Variants in CWH43 observed in about 807,000 individuals in gnomAD.
The protein encoded by CWH43 is cell wall biogenesis 43 C-terminal homolog, also known as PGAP2-interacting protein.
A neutral mutation model predicts 85.7 loss-of-function variants in CWH43; 91 were observed. The ratio of observed to expected loss-of-function variants is 1.06; its 90% confidence interval spans 0.90 to 1.26. The LOEUF is 1.26. Ranked by LOEUF, CWH43 falls within the 50% of genes most tolerant of loss-of-function variation. The probability of loss-of-function intolerance (pLI) is 0.00; values close to 1 mark genes in which losing one functional copy is unlikely to be tolerated. For synonymous variants in CWH43, 323 were observed against 293.6 expected (o/e 1.10, Z -1.02); for missense variants, 869 against 839.2 (o/e 1.04, Z -0.44).
rs1477836371 is a variant in CWH43 at position 49,037,927 on chromosome 4, T to C, written c.1659-109T>C. 3.4e-5 allele frequency: 29 copies of C among 858,870 alleles called. No individual in the cohort carries two copies. In the Middle Eastern group the frequency reaches 9.8e-4, roughly 29 times the overall value. 53.2% of individuals were successfully genotyped at this position (858,870 alleles called of 1,614,324 possible). A position where few individuals can be genotyped will look rare whatever the true frequency, so the allele number is the denominator to read the frequency against. ...AGACAGTTGCCCGAGTAGGAATGAC[T>C]CTGGGCTTCTTCACTATATGCAGAT... On this transcript the variant is annotated intron_variant, in intron 12 of 15. Transcript: ENST00000226432.
intron 10 of CWH43, among the ~76,000 whole-genome samples, chr4:49,029,196 T>G (rs2109803160): frequency 6.6e-6 from 1 of 152,310 alleles, no homozygotes; most frequent in African/African-American, 2.4e-5. Context: ...AAGAAAATTG[T>G]TTTGCCTTGA....
At chr4:48,991,212 G>C (rs1450546377) in intron 2 of CWH43, among the ~76,000 whole-genome samples, 3 of 152,096 alleles carry the variant, frequency 2.0e-5, no homozygotes. Flanking sequence ...ATTAGATAAT[G>C]GTGATTGTTG....
intron 15 of CWH43, among the ~76,000 whole-genome samples, chr4:49,058,659 A>T (rs1482203946): frequency 6.6e-6 from 1 of 152,218 alleles, no homozygotes; most frequent in Non-Finnish European, 1.5e-5. Flanking sequence ...TCTAATGATG[A>T]TGAACTCCTG....
rs538352395 is a variant in CWH43, at chr4:49,028,530, T to A, written c.1267-99T>A. 1.6e-5 allele frequency: 11 copies of A among 693,518 alleles called. No homozygotes were observed. In the South Asian group the frequency reaches 1.8e-4, roughly 11 times the overall value. 43.0% of individuals were successfully genotyped at this position (693,518 alleles called of 1,614,324 possible). A position where few individuals can be genotyped will look rare whatever the true frequency, so the allele number is the denominator to read the frequency against. ...AAAATGTCTAAGGAAATTCCTTTGCTGAAATAAGAAATTTGGTAGAGAGGA... is the reference window on the plus strand; with the variant it reads ...AAAATGTCTAAGGAAATTCCTTTGCAGAAATAAGAAATTTGGTAGAGAGGA... On this transcript the variant is annotated intron_variant, in intron 9 of 15. Coordinates refer to ENST00000226432, the MANE Select transcript of CWH43 (RefSeq NM_025087.3).
At chr4:49,034,417 A>G (rs1195736859) in intron 12 of CWH43, among the ~76,000 whole-genome samples, 1 of 152,130 alleles carries the variant, frequency 6.6e-6, no homozygotes, top group Non-Finnish European at 1.5e-5. Flanking sequence ...CAAAATGTAA[A>G]GAATAGGTTT....
chr4:49,008,175 G>C (rs1783228673), intron 8 of CWH43, among the ~76,000 whole-genome samples: 1 of 152,218 alleles, frequency 6.6e-6, no homozygotes, highest in Non-Finnish European at 1.5e-5. Flanking sequence ...TAACTGGTGT[G>C]AGATGGTATC....
In CWH43 at chr4:49,050,790, C is replaced by T. The variant is rs1433700128; in HGVS notation, c.1962C>T (p.Asp654=). Residue 654 remains aspartate (D), a synonymous_variant, in exon 15 of 16, where the codon GAC becomes GAT. Transcript: ENST00000226432. ...CTGATGACCCCACTAATTATAGAGA[C>T]AACCAGAAAGTGGTCATAGACCACA... ...RIPDDPTNYR[D]NQKVVIDHRE... is the part of the protein sequence containing the mutation. 1 of 1,612,426 alleles carries T rather than the reference C, an allele frequency of 6.2e-7. No homozygotes were observed. Among genetic ancestry groups the T allele is most frequent in the African/African-American group, 1.3e-5 (1 of 74,866 alleles).
At chr4:49,041,902 C>G (rs1471733352) in intron 13 of CWH43, among the ~76,000 whole-genome samples, 1 of 152,170 alleles carries the variant, frequency 6.6e-6, no homozygotes, top group Non-Finnish European at 1.5e-5. Context: ...AGTCTAATGG[C>G]CATACTTTGC....
chr4:48,988,553 T>C lies in CWH43; in HGVS notation c.120T>C (p.Thr40=). The change falls in exon 2 of 16, where the codon ACT becomes ACC. Residue 40 remains threonine (T), a synonymous_variant. Transcript: ENST00000226432. ...TTCCTTTGCAAACACTAGAACTCAC[T>C]GGGCTTGAAGGTTTTAGTATAGCAT... ...YYFPLQTLEL[T]GLEGFSIAFL... is the part of the protein sequence containing the mutation. 1 of 1,613,614 alleles carries C rather than the reference T, an allele frequency of 6.2e-7. No homozygotes were observed. The highest frequency in any genetic ancestry group is 1.3e-5 in the African/African-American group (1 of 75,034).
At chr4:49,015,539 C>G (rs562051302) in intron 8 of CWH43, among the ~76,000 whole-genome samples, 1 of 152,212 alleles carries the variant, frequency 6.6e-6, no homozygotes, top group Middle Eastern at 3.4e-3. Context: ...TTTCCTCCAT[C>G]TTGCTTGATA....
At chr4:48,998,211 GA>G (rs1438713925) in intron 5 of CWH43, among the ~76,000 whole-genome samples, 1 of 152,178 alleles carries the variant, frequency 6.6e-6, no homozygotes, top group Non-Finnish European at 1.5e-5. Flanking sequence ...AATAGTCTGA[GA>G]AAGCTTGGTT....
At chr4:49,050,909 C>T (rs1784772746) in intron 15 of CWH43, 60 bp downstream of exon 15, 1 of 1,164,132 alleles carries the variant, frequency 8.6e-7, no homozygotes, top group Non-Finnish European at 1.2e-6. Flanking sequence ...ATGGAACCTA[C>T]ATATTACCTC....
Position 48,986,426 on chromosome 4 carries a change from G to A in CWH43, c.-4G>A. On this transcript the variant is annotated 5_prime_UTR_variant, in exon 1 of 16. Transcript: ENST00000226432. ...CCTGGAAAGCGCTGCCCCTCGCCGC[G>A]GCGATGCCCTCGCTGTGGAGAGAAA... 1 of 1,545,394 alleles carries A rather than the reference G, an allele frequency of 6.5e-7. No homozygotes were observed. The highest frequency in any genetic ancestry group is 8.8e-7 in the Non-Finnish European group (1 of 1,141,066).
intron 8 of CWH43, among the ~76,000 whole-genome samples, chr4:49,009,813 C>T (rs2355167): frequency 0.59 from 88,907 of 151,764 alleles, 29,040 homozygotes; most frequent in Admixed American, 0.75. Context: ...ACCTTGCATC[C>T]CAGGGATGAA....
At chr4:49,036,571 C>A (rs909830827) in intron 12 of CWH43, among the ~76,000 whole-genome samples, 1 of 152,152 alleles carries the variant, frequency 6.6e-6, no homozygotes, top group African/African-American at 2.4e-5. Flanking sequence ...TTTTCTTTGT[C>A]ATTTTCCCCC....
chr4:48,997,397 T>G (rs960626528), intron 5 of CWH43, among the ~76,000 whole-genome samples: 2 of 152,028 alleles, frequency 1.3e-5, no homozygotes, highest in Non-Finnish European at 2.9e-5. Flanking sequence ...ATTATATGTT[T>G]CCCCCACTGG....
intron 13 of CWH43, 65 bp from the exon 14 acceptor site, chr4:49,044,721 T>C (rs1451748756): frequency 1.5e-5 from 18 of 1,226,634 alleles, no homozygotes; most frequent in Non-Finnish European, 1.2e-5. Context: ...CACACATTTT[T>C]TGGCAATGTG....
intron 14 of CWH43, among the ~76,000 whole-genome samples, chr4:49,049,579 C>T (rs1378814256): frequency 1.3e-5 from 2 of 152,016 alleles, no homozygotes; most frequent in African/African-American, 4.8e-5. Flanking sequence ...CTGAGGTCTT[C>T]ATAGTGGCCT....
chr4:48,986,543 A>C (rs1782501183), intron 1 of CWH43, 71 bp downstream of exon 1: 7 of 1,544,240 alleles, frequency 4.5e-6, no homozygotes, highest in Non-Finnish European at 6.1e-6. Flanking sequence ...CCGTGGAGCC[A>C]GGCCAGGTTG....
Sources: gnomAD v4.1 joint callset for allele counts (sites outside exome capture counted in the v4.1 genomes callset) on GRCh38, gnomAD v4.1.1 for gene constraint, MANE v1.5 for transcripts, NCBI Gene and HGNC (gene_info 2026-07-23, HGNC 2026-07-21) for gene names.